HS3ST4: variants seen among roughly 807,000 people sequenced by gnomAD.
The protein encoded by HS3ST4 is heparan sulfate-glucosamine 3-sulfotransferase 4.
Under a neutral mutation model 29.2 loss-of-function variants are expected in HS3ST4, and 17 were observed. The observed-to-expected ratio is 0.58, with a 90% confidence interval of 0.40 to 0.87. The LOEUF (loss-of-function observed/expected upper bound fraction) is 0.87. HS3ST4 is among the 40% of genes least tolerant of loss of function. The pLI is 0.00. For missense variants in HS3ST4, 627 were observed against 634.5 expected (o/e 0.99, Z 0.13); for synonymous variants, 314 against 285.7 (o/e 1.10, Z -1.00).
At chr16:25,725,284 G>A (rs1966526249) in intron 1 of HS3ST4, among the ~76,000 whole-genome samples, 1 of 152,018 alleles carries the variant, frequency 6.6e-6, no homozygotes, top group African/African-American at 2.4e-5. Context: ...CTTGCTCTTA[G>A]GAGCCATCTA....
At chr16:26,053,948 C>A (rs1898375914) in intron 1 of HS3ST4, among the ~76,000 whole-genome samples, 1 of 152,118 alleles carries the variant, frequency 6.6e-6, no homozygotes, top group Non-Finnish European at 1.5e-5. Context: ...ATTCAGGGAT[C>A]TACACCAGGG....
chr16:25,871,060 A>G (rs1331569958), intron 1 of HS3ST4, among the ~76,000 whole-genome samples: 1 of 152,230 alleles, frequency 6.6e-6, no homozygotes, highest in Non-Finnish European at 1.5e-5. Context: ...TACATTGCCC[A>G]AGAGTATGTT....
chr16:26,047,698 G>T (rs1026677507), intron 1 of HS3ST4, among the ~76,000 whole-genome samples: 1 of 152,216 alleles, frequency 6.6e-6, no homozygotes, highest in African/African-American at 2.4e-5. Context: ...TCAGTTTCCA[G>T]TCAGTTCATT....
At chr16:25,857,469 T>C (rs1249483850) in intron 1 of HS3ST4, among the ~76,000 whole-genome samples, 1 of 152,174 alleles carries the variant, frequency 6.6e-6, no homozygotes, top group East Asian at 1.9e-4. Context: ...GTGGTCATGA[T>C]ATATTTTTCT....
chr16:25,752,987 A>G (rs1386691235), intron 1 of HS3ST4, among the ~76,000 whole-genome samples: 1 of 152,230 alleles, frequency 6.6e-6, no homozygotes, highest in African/African-American at 2.4e-5. Context: ...GCAAAATGCC[A>G]TGTTGGCATA....
chr16:25,999,717 C>T (rs1969188524), intron 1 of HS3ST4, among the ~76,000 whole-genome samples: 1 of 143,192 alleles, frequency 7.0e-6, no homozygotes, highest in South Asian at 2.1e-4. Flanking sequence ...TCACATTGTA[C>T]TTTCTATTTA....
At chr16:25,813,776 C>T (rs956359934) in intron 1 of HS3ST4, among the ~76,000 whole-genome samples, 1 of 152,182 alleles carries the variant, frequency 6.6e-6, no homozygotes. Flanking sequence ...AAAAGACTTG[C>T]ACACAAATGT....
intron 1 of HS3ST4, chr16:26,062,657 G>C (rs1225847986): frequency 1.3e-5 from 2 of 152,234 alleles, no homozygotes; most frequent in African/African-American, 4.8e-5. Flanking sequence ...ATTATAAAAG[G>C]GAGGCACGAA....
At chr16:26,086,680 C>A (rs998827815) in intron 1 of HS3ST4, among the ~76,000 whole-genome samples, 1 of 152,176 alleles carries the variant, frequency 6.6e-6, no homozygotes, top group Non-Finnish European at 1.5e-5. Context: ...GCACCTAGAA[C>A]AATGCCTATC....
intron 1 of HS3ST4, among the ~76,000 whole-genome samples, chr16:25,842,356 A>G (rs182377069): frequency 5.2e-4 from 79 of 152,360 alleles, no homozygotes; most frequent in African/African-American, 1.8e-3. Context: ...GATAACTGAC[A>G]CAGTCAAACA....
At chr16:25,813,557 A>G (rs4268751) in intron 1 of HS3ST4, among the ~76,000 whole-genome samples, 33,925 of 152,216 alleles carry the variant, frequency 0.22, 4,091 homozygotes, top group Non-Finnish European at 0.25. Flanking sequence ...AGATCACGCC[A>G]TTGCAATCTA....
intron 1 of HS3ST4, among the ~76,000 whole-genome samples, chr16:25,770,762 C>T (rs1300728515): frequency 6.6e-6 from 1 of 152,166 alleles, no homozygotes; most frequent in Non-Finnish European, 1.5e-5. Flanking sequence ...GTTAAAGCTT[C>T]GATGGAAGCT....
rs114568369 is a variant in HS3ST4 at position 25,693,293 on chromosome 16, C to T, written c.734+142C>T. ...GCGAGGGCTCTGCAAACCCTGGCGGCGTTGCTCAGGGGGATCGGCTGAGAG... is the reference window on the plus strand; with the variant it reads ...GCGAGGGCTCTGCAAACCCTGGCGGTGTTGCTCAGGGGGATCGGCTGAGAG... On this transcript the variant is annotated intron_variant, in intron 1 of 1. Transcript: ENST00000331351. 3.0e-3 allele frequency: 2,741 copies of T among 908,632 alleles called. 45 individuals carry two copies. In the African/African-American group the frequency reaches 0.041, roughly 14 times the overall value. The allele number at this position is 908,632 out of a possible 1,614,324, so 56.3% of individuals were successfully genotyped here.
At chr16:26,018,017 G>C (rs190095194) in intron 1 of HS3ST4, among the ~76,000 whole-genome samples, 24 of 152,286 alleles carry the variant, frequency 1.6e-4, no homozygotes, top group Non-Finnish European at 3.2e-4. Context: ...GGATGCATGG[G>C]TCAAAGAAAT....
chr16:25,841,839 G>A (rs4787770), intron 1 of HS3ST4, among the ~76,000 whole-genome samples: 31,304 of 152,102 alleles, frequency 0.21, 3,344 homozygotes, highest in Admixed American at 0.3. Flanking sequence ...CTGTCATTAT[G>A]GTCTTAAACC....
intron 1 of HS3ST4, among the ~76,000 whole-genome samples, chr16:25,830,709 C>T (rs150751855): frequency 1.3e-5 from 2 of 152,116 alleles, no homozygotes; most frequent in African/African-American, 4.8e-5. Flanking sequence ...TCCCCACCTT[C>T]AATCCATGTC....
At chr16:25,967,985 A>T (rs769538284) in intron 1 of HS3ST4, among the ~76,000 whole-genome samples, 15 of 152,222 alleles carry the variant, frequency 9.9e-5, no homozygotes, top group Admixed American at 3.3e-4. Context: ...TCAGCTCAGA[A>T]ATCATCCCAA....
intron 1 of HS3ST4, among the ~76,000 whole-genome samples, chr16:25,793,791 A>G (rs1055082619): frequency 1.3e-5 from 2 of 152,102 alleles, no homozygotes; most frequent in East Asian, 1.9e-4. Flanking sequence ...TATAAATATT[A>G]TATAAACATT....
chr16:25,802,557 T>A (rs1966949485), intron 1 of HS3ST4, among the ~76,000 whole-genome samples: 1 of 152,146 alleles, frequency 6.6e-6, no homozygotes, highest in African/African-American at 2.4e-5. Context: ...CAATATATTT[T>A]GGGCTATTTT....
Sources: allele counts gnomAD v4.1 joint callset (sites outside exome capture counted in the v4.1 genomes callset), GRCh38; gene constraint gnomAD v4.1.1; transcripts MANE v1.5; gene names NCBI Gene and HGNC (gene_info 2026-07-23, HGNC 2026-07-21).